Variants in IFT122 observed in about 807,000 individuals in gnomAD.
The protein encoded by IFT122 is intraflagellar transport 122, also known as intraflagellar transport protein 122 homolog.
Under a neutral mutation model 161.6 loss-of-function variants are expected in IFT122, and 118 were observed. That is an observed-to-expected ratio of 0.73 (90% CI 0.63 to 0.85). IFT122 has a LOEUF of 0.85. Ranked by LOEUF, IFT122 falls within the 40% of genes least tolerant of loss-of-function variation. The pLI is 0.00. For synonymous variants in IFT122, 550 were observed against 602.4 expected, an observed-to-expected ratio of 0.91 and a Z score of 1.27; for missense variants, 1,381 against 1,579.6, an observed-to-expected ratio of 0.87 and a Z score of 2.13.
At chr3:129,467,193 C>A in intron 8 of IFT122, 127 bp downstream of exon 8, 3 of 827,154 alleles carry the variant, frequency 3.6e-6, no homozygotes, top group South Asian at 1.6e-5. Context: ...TGGGTGAAAG[C>A]GCCTTCAAAA....
intron 9 of IFT122, among the ~76,000 whole-genome samples, chr3:129,474,114 T>C (rs914890168): frequency 6.6e-6 from 1 of 152,218 alleles, no homozygotes; most frequent in African/African-American, 2.4e-5. Flanking sequence ...AATTTGAATG[T>C]ATTAAACTTA....
intron 1 of IFT122, among the ~76,000 whole-genome samples, chr3:129,448,580 G>A (rs770992589): frequency 2.0e-5 from 3 of 152,272 alleles, no homozygotes; most frequent in Middle Eastern, 3.4e-3. Context: ...ACAAATTAAA[G>A]GGAGGACAGA....
chr3:129,490,474 T>C lies in IFT122; in HGVS notation c.1993-1667T>C, dbSNP rs578028417. 1.8e-4 allele frequency among the ~76,000 whole-genome samples: 28 copies of C among 152,292 alleles called. No homozygotes were observed. The East Asian group carries it at 5.4e-3, about 29-fold the overall frequency. On this transcript the variant is annotated intron_variant, in intron 16 of 29. Transcript: ENST00000348417. ...CTCTGCTGAGCTCATTCAGGGGCCTTGTGACTCTGACCAGGCACCCTGACG... is the reference window on the plus strand; with the variant it reads ...CTCTGCTGAGCTCATTCAGGGGCCTCGTGACTCTGACCAGGCACCCTGACG...
chr3:129,483,754 G>C (rs2078943760), intron 15 of IFT122, 72 bp downstream of exon 15: 1 of 1,353,292 alleles, frequency 7.4e-7, no homozygotes, highest in African/African-American at 1.5e-5. Context: ...GCCCTTTGCT[G>C]GTGCTTTGGG....
intron 3 of IFT122, among the ~76,000 whole-genome samples, chr3:129,457,625 CA>C (rs749132588): frequency 1.3e-5 from 2 of 151,750 alleles, no homozygotes; most frequent in Non-Finnish European, 2.9e-5. Context: ...AGATGTTGAC[CA>C]AAGGGTAGTT....
intron 1 of IFT122, 92 bp downstream of exon 1, chr3:129,440,463 C>T: frequency 1.4e-6 from 2 of 1,458,050 alleles, no homozygotes; most frequent in Non-Finnish European, 1.9e-6. Context: ...GGGCAGCGGG[C>T]TTGCTGCCTG....
rs754396913 is a variant in IFT122, at chr3:129,481,547, G to C, written c.1506G>C (p.Val502=). The C allele has an allele frequency of 5.7e-6, 9 of 1,582,230 alleles. No individual in the cohort carries two copies. In the South Asian group the frequency reaches 8.9e-5, roughly 16 times the overall value. ...LKNGQILKIF[V]DNLFAIVLLK... ...TTTGCCAGATCCTGAAGATCTTCGT[G>C]GACAATCTCTTTGCTATCGTCCTGC... is the stretch of plus-strand genomic sequence containing the variant. Residue 502 remains valine, a synonymous_variant, in exon 14 of 30, where the codon GTG becomes GTC. Transcript: ENST00000348417.
intron 9 of IFT122, among the ~76,000 whole-genome samples, chr3:129,474,451 TG>T (rs1272446106): frequency 3.9e-5 from 6 of 152,156 alleles, no homozygotes; most frequent in African/African-American, 1.4e-4. Flanking sequence ...TGGGCTTTAG[TG>T]GGGCAGACCT....
At chr3:129,478,580 C>T (rs1197633705) in intron 12 of IFT122, among the ~76,000 whole-genome samples, 4 of 152,116 alleles carry the variant, frequency 2.6e-5, no homozygotes, top group Non-Finnish European at 5.9e-5. Context: ...GAGTAGCTGG[C>T]ACCACAGGCA....
chr3:129,514,254 T>G (rs1040470559), intron 24 of IFT122, 135 bp from the exon 25 acceptor site: 1 of 943,976 alleles, frequency 1.1e-6, no homozygotes, highest in African/African-American at 1.6e-5. Context: ...GCACAGAGCC[T>G]TCCTCACGGT....
intron 3 of IFT122, among the ~76,000 whole-genome samples, chr3:129,457,178 T>C (rs906929186): frequency 3.3e-4 from 50 of 152,252 alleles, no homozygotes; most frequent in African/African-American, 1.2e-3. Context: ...ACCGTGATCC[T>C]CTTCCAAATG....
chr3:129,511,762 G>T (rs763715524), intron 23 of IFT122, among the ~76,000 whole-genome samples: 1 of 152,194 alleles, frequency 6.6e-6, no homozygotes, highest in African/African-American at 2.4e-5. Context: ...ATGTGTGCTC[G>T]TTTGGTGGCA....
At chr3:129,504,690 T>G (rs2082002606) in intron 21 of IFT122, among the ~76,000 whole-genome samples, 1 of 152,212 alleles carries the variant, frequency 6.6e-6, no homozygotes, top group Non-Finnish European at 1.5e-5. Context: ...CTGAGCAAAG[T>G]GCTGTGCACT....
At chr3:129,482,331 G>A (rs1427041382) in intron 14 of IFT122, among the ~76,000 whole-genome samples, 8 of 152,228 alleles carry the variant, frequency 5.3e-5, no homozygotes, top group Non-Finnish European at 7.3e-5. Context: ...CCCGGGCCTG[G>A]TTGGCTTTCT....
At chr3:129,516,741 G>GCA (rs1255065994) in intron 26 of IFT122, among the ~76,000 whole-genome samples, 5 of 75,130 alleles carry the variant, frequency 6.7e-5, no homozygotes, top group Admixed American at 1.8e-4. Context: ...GACTGCCCCT[G>GCA]CACACACACA....
chr3:129,502,769 G>C lies in IFT122; in HGVS notation c.2434G>C (p.Ala812Pro). The change falls in exon 20 of 30, where the codon GCT (alanine) becomes CCT (proline). Residue 812 changes from alanine (A) to proline (P), a missense_variant. By Grantham distance (27) the Ala-to-Pro change is conservative. This residue lies in a region of IFT122 where 496 missense variants were observed against 502.5 expected (regional missense o/e 0.99). Transcript: ENST00000348417. Reference protein sequence around the residue: ...KAEREPLLLCATYLKKLDSPG... With the variant: ...KAEREPLLLCPTYLKKLDSPG... ...TGAGCGCGAGCCCCTGCTGCTGTGC[G>C]CTACCTACCTCAAGAAGCTGGACAG... The C allele has an allele frequency of 6.2e-7, 1 of 1,612,490 alleles. No individual in the cohort carries two copies. The highest frequency in any genetic ancestry group is 8.5e-7 in the Non-Finnish European group (1 of 1,180,028).
intron 3 of IFT122, chr3:129,458,100 A>G (rs144213964): frequency 6.2e-6 from 1 of 162,130 alleles, no homozygotes; most frequent in East Asian, 1.8e-4. Flanking sequence ...GGATATGTTA[A>G]TTAGCTTAAT....
rs1489911085 is a variant in IFT122 at position 129,519,612 on chromosome 3, G to A, written c.3516G>A (p.Val1172=). 6.2e-7 allele frequency: 1 copy of A among 1,613,624 alleles called. No homozygotes were observed. The highest frequency in any genetic ancestry group is 8.5e-7 in the Non-Finnish European group (1 of 1,180,024). The change falls in exon 29 of 30, where the codon GTG becomes GTA. Residue 1172 remains valine, a synonymous_variant. Coordinates refer to ENST00000348417, the MANE Select transcript of IFT122 (RefSeq NM_052989.3). ...EFVPVVVSRL[V]LRSMSRRDVL... is the part of the protein sequence containing the mutation. ...TGCCAGTGGTGGTGAGCCGGCTGGTGCTGCGCTCCATGAGCCGCCGGGATG... is the reference window on the plus strand; with the variant it reads ...TGCCAGTGGTGGTGAGCCGGCTGGTACTGCGCTCCATGAGCCGCCGGGATG...
chr3:129,486,348 AT>A (rs1243720017), intron 15 of IFT122, among the ~76,000 whole-genome samples: 1 of 152,170 alleles, frequency 6.6e-6, no homozygotes, highest in Admixed American at 6.5e-5. Context: ...TTGGGGCCTC[AT>A]TTCTTTTCTG....
Sources: allele counts gnomAD v4.1 joint callset (sites outside exome capture counted in the v4.1 genomes callset), GRCh38; gene constraint gnomAD v4.1.1; regional missense constraint gnomAD v4.1.1; transcripts MANE v1.5; gene names NCBI Gene and HGNC (gene_info 2026-07-23, HGNC 2026-07-21).